Variants in SCN1A observed in about 807,000 individuals in gnomAD.
SCN1A encodes the protein sodium channel protein type 1 subunit alpha.
Under a neutral mutation model 193.7 loss-of-function variants are expected in SCN1A, and 13 were observed. The observed-to-expected ratio is 0.07, with a 90% CI of 0.04 to 0.11. The LOEUF is 0.11. SCN1A is among the 10% of genes least tolerant of loss of function. SCN1A has a pLI of 1.00. For synonymous variants in SCN1A, 781 were observed against 843.6 expected (o/e 0.93, Z 1.29); for missense variants, 1,432 against 2,451.1 (o/e 0.58, Z 8.78).
In SCN1A at chr2:166,058,667, C is replaced by G. The variant is rs1699367311; in HGVS notation, c.286G>C (p.Gly96Arg). The G allele has an allele frequency of 6.2e-7, 1 of 1,605,356 alleles. No individual in the cohort carries two copies. Among genetic ancestry groups the G allele is most frequent in the South Asian group, 1.1e-5 (1 of 90,888 alleles). ...GCACTGAACCGGAAGATGGCCTTCC[C>G]TTTATTCAATACTATAAAAGTCTGT... is the stretch of plus-strand genomic sequence containing the variant. ...NKKTFIVLNK[G>R]KAIFRFSATS... The change falls in exon 5 of 29, where the codon GGG becomes CGG. Residue 96 changes from glycine to arginine, a missense_variant. Physicochemically the swap from Gly to Arg is moderately radical, Grantham distance 125. This residue lies in a region of SCN1A where 123 missense variants were observed against 282.8 expected (regional missense o/e 0.43). Transcript: ENST00000674923.
At chr2:166,044,405 C>T (rs967716960) in intron 13 of SCN1A, among the ~76,000 whole-genome samples, 2 of 152,130 alleles carry the variant, frequency 1.3e-5, no homozygotes, top group Admixed American at 1.3e-4. Context: ...ACACTGGCAC[C>T]ATGACCTTAA....
intron 2 of SCN1A, among the ~76,000 whole-genome samples, chr2:166,085,566 A>C (rs370598082): frequency 2.0e-5 from 3 of 152,184 alleles, no homozygotes; most frequent in East Asian, 1.9e-4. Context: ...TACAGCATAG[A>C]ACCCACGGGC....
In SCN1A at chr2:166,044,005, A is replaced by C. The variant is rs778432457; in HGVS notation, c.1707T>G (p.Asn569Lys). 2 of 1,614,150 alleles carry C rather than the reference A, an allele frequency of 1.2e-6. No homozygotes were observed. Among genetic ancestry groups the C allele is most frequent in the Non-Finnish European group, 1.7e-6 (2 of 1,180,010 alleles). Residue 569 changes from asparagine (N) to lysine (K), a missense_variant, in exon 14 of 29, where the codon AAT becomes AAG. Physicochemically the swap from Asn to Lys is moderately conservative, Grantham distance 94. Coordinates refer to ENST00000674923, the MANE Select transcript of SCN1A (RefSeq NM_001165963.4). ...TAAAGCTGAAAAGGCTTGTTCTGCT[A>C]TTTCGCCTTGGTGAAAATAGGGAGC... ...IRGSLFSPRR[N>K]SRTSLFSFRG...
intron 19 of SCN1A, among the ~76,000 whole-genome samples, chr2:166,021,330 T>A (rs1694031678): frequency 6.6e-6 from 1 of 152,116 alleles, no homozygotes; most frequent in African/African-American, 2.4e-5. Context: ...TAGAAATTTA[T>A]ATATAATGTA....
At chr2:166,034,145 C>T (rs879591416) in intron 19 of SCN1A, among the ~76,000 whole-genome samples, 1 of 151,912 alleles carries the variant, frequency 6.6e-6, no homozygotes, top group Non-Finnish European at 1.5e-5. Flanking sequence ...TTTCCATAGA[C>T]ATGGAAATGT....
At chr2:166,050,754 T>G (rs923310571) in intron 9 of SCN1A, among the ~76,000 whole-genome samples, 1 of 150,194 alleles carries the variant, frequency 6.7e-6, no homozygotes, top group Middle Eastern at 3.5e-3. Context: ...GCTAGGATTA[T>G]AGGTGTGAGC....
chr2:166,019,795 A>G (rs1425174941), intron 19 of SCN1A, among the ~76,000 whole-genome samples: 1 of 152,078 alleles, frequency 6.6e-6, no homozygotes, highest in Non-Finnish European at 1.5e-5. Context: ...ATAGATGAAT[A>G]CCTCTGTTTC....
In SCN1A at chr2:165,998,121, T is replaced by C. The variant is rs138231868; in HGVS notation, c.4393A>G (p.Ile1465Val). The change falls in exon 26 of 29, where the codon ATT (isoleucine) becomes GTT (valine). Residue 1465 changes from isoleucine to valine, a missense_variant. Ile to Val is a conservative substitution (Grantham distance 29). Coordinates refer to ENST00000674923, the MANE Select transcript of SCN1A (RefSeq NM_001165963.4). Reference protein sequence around the residue: ...ESLYMYLYFVIFIIFGSFFTL... With the variant: ...ESLYMYLYFVVFIIFGSFFTL... ...AAGAAGGACCCAAAGATGATGAAAA[T>C]AACAAAGTAAAGATACATGTACAGA... 2.1e-4 allele frequency: 331 copies of C among 1,605,970 alleles called. No individual in the cohort carries two copies. The African/African-American group carries it at 4.2e-3, about 20-fold the overall frequency.
At position 166,048,473 on chromosome 2, in the gene SCN1A, A is replaced by G. The variant is rs548812362; in HGVS notation, c.1028+413T>C. Among the ~76,000 whole-genome samples, 5 of 152,160 alleles carry G rather than the reference A, an allele frequency of 3.3e-5. No individual in the cohort carries two copies. The South Asian group carries it at 6.2e-4, about 19-fold the overall frequency. ...GCGGTACTTAGTTTTCTGTTCCTGC[A>G]ATAGTTTGCTAAGGATAATAGCCTC... On this transcript the variant is annotated intron_variant, in intron 10 of 28. Coordinates refer to ENST00000674923, the MANE Select transcript of SCN1A (RefSeq NM_001165963.4).
intron 22 of SCN1A, 91 bp downstream of exon 22, chr2:166,012,018 A>T: frequency 8.6e-7 from 1 of 1,158,340 alleles, no homozygotes; most frequent in South Asian, 1.2e-5. Flanking sequence ...CTGTCAACAT[A>T]ACATAGTGGT....
intron 19 of SCN1A, among the ~76,000 whole-genome samples, chr2:166,018,534 T>C (rs978096013): frequency 6.6e-6 from 1 of 152,068 alleles, no homozygotes; most frequent in African/African-American, 2.4e-5. Flanking sequence ...TTACCTAAGA[T>C]GGTCACTCTT....
chr2:166,059,963 G>A (rs918679444), intron 4 of SCN1A, among the ~76,000 whole-genome samples: 5 of 152,240 alleles, frequency 3.3e-5, no homozygotes, highest in African/African-American at 1.2e-4. Flanking sequence ...ACCAGTACTG[G>A]TTAAGTATAG....
chr2:166,106,377 C>T (rs1688693800), intron 2 of SCN1A, among the ~76,000 whole-genome samples: 1 of 152,000 alleles, frequency 6.6e-6, no homozygotes, highest in Admixed American at 6.6e-5. Context: ...ATTTCCCATC[C>T]CAAGGTTGGG....
At chr2:166,004,102 C>T (rs188273368) in intron 23 of SCN1A, among the ~76,000 whole-genome samples, 158 of 151,652 alleles carry the variant, frequency 1.0e-3, no homozygotes, top group African/African-American at 3.1e-3. Flanking sequence ...CAAGCTGACA[C>T]GTGACACTTT....
chr2:165,985,021 G>T (rs544901659), downstream of SCN1A: 1 of 152,212 alleles, frequency 6.6e-6, no homozygotes, highest in South Asian at 2.1e-4. Context: ...CCTGGCTTTA[G>T]AAACTAACCT....
intron 4 of SCN1A, among the ~76,000 whole-genome samples, chr2:166,072,836 T>C (rs1395168698): frequency 8.2e-6 from 1 of 122,340 alleles, no homozygotes; most frequent in Non-Finnish European, 1.5e-5. Context: ...CTCTCTTCTT[T>C]CTTTTTTTTT....
At chr2:166,068,082 C>G (rs976272468) in intron 4 of SCN1A, among the ~76,000 whole-genome samples, 52 of 152,146 alleles carry the variant, frequency 3.4e-4, no homozygotes, top group African/African-American at 1.2e-3. Flanking sequence ...GAAGAGCCAG[C>G]CTGCAAATGA....
chr2:165,999,312 C>A (rs969589486), intron 25 of SCN1A, among the ~76,000 whole-genome samples: 4 of 151,328 alleles, frequency 2.6e-5, no homozygotes, highest in Admixed American at 1.3e-4. Context: ...GCTGACAGAA[C>A]AATATCCATA....
In SCN1A at chr2:166,010,209, T is replaced by C. The variant is rs567763456; in HGVS notation, c.3880-368A>G. Among the ~76,000 whole-genome samples, 9 of 151,230 alleles carry C rather than the reference T, an allele frequency of 6.0e-5. No individual in the cohort carries two copies. The South Asian group carries it at 1.7e-3, about 28-fold the overall frequency. On this transcript the variant is annotated intron_variant, in intron 22 of 28. Transcript: ENST00000674923. Reference sequence around the variant, plus strand: ...GTTGCTGTTGAATTTAAGGCTTTTCTTGTAGCTAGTTATAAAATACAAAAA... The same window carrying C: ...GTTGCTGTTGAATTTAAGGCTTTTCCTGTAGCTAGTTATAAAATACAAAAA...
Sources: gnomAD v4.1 joint callset for allele counts (sites outside exome capture counted in the v4.1 genomes callset) on GRCh38, gnomAD v4.1.1 for gene constraint, gnomAD v4.1.1 regional missense constraint, MANE v1.5 for transcripts, NCBI Gene and HGNC (gene_info 2026-07-23, HGNC 2026-07-21) for gene names.